The following GPC6 variants were observed in gnomAD, a reference collection of about 807,000 sequenced individuals.
GPC6 encodes glypican-6.
In GPC6, 14 loss-of-function variants were observed where a neutral mutation model predicts 55.2. That is an observed-to-expected ratio of 0.25 (90% CI 0.17 to 0.40). The LOEUF is 0.40. GPC6 is among the 10% of genes least tolerant of loss of function. The pLI, the probability that GPC6 is intolerant of heterozygous loss-of-function variation, is 1.00. For missense variants in GPC6, 641 were observed against 708.5 expected, an observed-to-expected ratio of 0.90 and a Z score of 1.08; for synonymous variants, 278 against 259.6, an observed-to-expected ratio of 1.07 and a Z score of -0.68.
At chr13:94,320,992 G>A (rs532300273) in intron 6 of GPC6, among the ~76,000 whole-genome samples, 2 of 152,294 alleles carry the variant, frequency 1.3e-5, no homozygotes, top group South Asian at 4.2e-4. Context: ...CAAAGGTTTA[G>A]TGTACAGATT....
chr13:94,344,217 ATATTT>A (rs1369912027), intron 6 of GPC6, among the ~76,000 whole-genome samples: 1 of 152,230 alleles, frequency 6.6e-6, no homozygotes, highest in African/African-American at 2.4e-5. Flanking sequence ...GAAAATTTTG[ATATTT>A]TATTTATCAC....
At chr13:94,159,416 A>C (rs941745132) in intron 4 of GPC6, among the ~76,000 whole-genome samples, 4 of 152,204 alleles carry the variant, frequency 2.6e-5, no homozygotes, top group African/African-American at 9.6e-5. Flanking sequence ...GGCAGAAGGC[A>C]AACTGCAAAT....
rs114775704 is a variant in GPC6 at position 93,899,873 on chromosome 13, G to T, written c.711+69328G>T. ...TGTTTTAATTAAGGAATGTTGATCA[G>T]GCAATTGTGCTTTAAAAACATGTTT... On this transcript the variant is annotated intron_variant, in intron 3 of 8. Coordinates refer to ENST00000377047, the MANE Select transcript of GPC6 (RefSeq NM_005708.5). Among the ~76,000 whole-genome samples, 441 of 152,210 alleles carry T rather than the reference G, an allele frequency of 2.9e-3. 5 individuals are homozygous for T. Among genetic ancestry groups the T allele is most frequent in the African/African-American group, 9.9e-3 (412 of 41,548 alleles).
At chr13:93,460,002 T>C (rs1878620413) in intron 1 of GPC6, among the ~76,000 whole-genome samples, 1 of 152,334 alleles carries the variant, frequency 6.6e-6, no homozygotes, top group Admixed American at 6.5e-5. Context: ...ACTTTTCTTT[T>C]GGCTTCTAGG....
intron 3 of GPC6, among the ~76,000 whole-genome samples, chr13:93,901,898 T>TAA (rs55752330): frequency 0.018 from 2,167 of 119,174 alleles, 61 homozygotes; most frequent in African/African-American, 0.065. Flanking sequence ...GAGATTCCAT[T>TAA]AAAAAAAAAA....
intron 5 of GPC6, among the ~76,000 whole-genome samples, chr13:94,297,996 C>G (rs1444172703): frequency 6.6e-6 from 1 of 151,880 alleles, no homozygotes; most frequent in South Asian, 2.1e-4. Flanking sequence ...GGATGAATAA[C>G]TGTTTTGTTA....
intron 1 of GPC6, among the ~76,000 whole-genome samples, chr13:93,434,680 AAC>A (rs1239208814): frequency 3.9e-5 from 6 of 152,120 alleles, no homozygotes; most frequent in Admixed American, 1.3e-4. Flanking sequence ...GGCTGTAGAT[AAC>A]ACAGTTTATC....
intron 2 of GPC6, among the ~76,000 whole-genome samples, chr13:93,713,287 G>T (rs1163655312): frequency 6.6e-6 from 1 of 151,388 alleles, no homozygotes; most frequent in Non-Finnish European, 1.5e-5. Context: ...ACCTAAAGAA[G>T]TAGAAAGGAG....
At chr13:93,946,689 AC>A (rs1879026398) in intron 3 of GPC6, among the ~76,000 whole-genome samples, 1 of 152,160 alleles carries the variant, frequency 6.6e-6, no homozygotes, top group African/African-American at 2.4e-5. Context: ...GGCTGTTAAA[AC>A]CCCAAACTCT....
intron 1 of GPC6, among the ~76,000 whole-genome samples, chr13:93,270,895 TA>T (rs1263397892): frequency 6.6e-6 from 1 of 152,086 alleles, no homozygotes; most frequent in African/African-American, 2.4e-5. Context: ...AGATGGAGAT[TA>T]AAGCTGATTG....
intron 1 of GPC6, among the ~76,000 whole-genome samples, chr13:93,462,014 C>T (rs1316201085): frequency 2.0e-5 from 3 of 151,994 alleles, no homozygotes; most frequent in Non-Finnish European, 2.9e-5. Flanking sequence ...ACAAGCCATG[C>T]CATCTTATGT....
At chr13:93,495,291 T>C (rs1312500759) in intron 1 of GPC6, among the ~76,000 whole-genome samples, 2 of 151,036 alleles carry the variant, frequency 1.3e-5, no homozygotes, top group African/African-American at 4.9e-5. Context: ...CCATTGTTGA[T>C]ACCCTTTCCT....
intron 3 of GPC6, among the ~76,000 whole-genome samples, chr13:93,935,635 C>G (rs137891928): frequency 6.6e-6 from 1 of 152,096 alleles, no homozygotes; most frequent in Non-Finnish European, 1.5e-5. Context: ...AAATTACATA[C>G]GCAATTCACA....
At chr13:93,700,871 A>G (rs1882643802) in intron 2 of GPC6, among the ~76,000 whole-genome samples, 2 of 152,130 alleles carry the variant, frequency 1.3e-5, no homozygotes, top group African/African-American at 4.8e-5. Context: ...GGTCAAGATT[A>G]TGTGGGACAA....
At chr13:94,198,732 CA>C (rs1164172982) in intron 4 of GPC6, among the ~76,000 whole-genome samples, 1 of 152,162 alleles carries the variant, frequency 6.6e-6, no homozygotes, top group African/African-American at 2.4e-5. Context: ...GCCTGAACAA[CA>C]TCATCCTAAC....
At chr13:93,660,811 G>T (rs1880892150) in intron 2 of GPC6, among the ~76,000 whole-genome samples, 2 of 152,200 alleles carry the variant, frequency 1.3e-5, no homozygotes, top group South Asian at 4.1e-4. Context: ...TGGATCTTTA[G>T]AAGGGACTTG....
intron 2 of GPC6, among the ~76,000 whole-genome samples, chr13:93,645,250 T>A (rs1880126643): frequency 6.8e-6 from 1 of 147,624 alleles, no homozygotes; most frequent in African/African-American, 2.6e-5. Flanking sequence ...GCCTACTGTT[T>A]TTTTTTTTTT....
chr13:94,208,424 G>A (rs922393592), intron 4 of GPC6, among the ~76,000 whole-genome samples: 1 of 152,080 alleles, frequency 6.6e-6, no homozygotes, highest in Admixed American at 6.5e-5. Context: ...AGGAGGAACA[G>A]CTGGCTGCCA....
intron 2 of GPC6, among the ~76,000 whole-genome samples, chr13:93,653,876 T>G (rs1470527520): frequency 6.6e-6 from 1 of 152,166 alleles, no homozygotes; most frequent in Non-Finnish European, 1.5e-5. Flanking sequence ...GCATTTTAAA[T>G]TTGGATAGGC....
Sources: allele counts gnomAD v4.1 joint callset (sites outside exome capture counted in the v4.1 genomes callset), GRCh38; gene constraint gnomAD v4.1.1; transcripts MANE v1.5; gene names NCBI Gene and HGNC (gene_info 2026-07-23, HGNC 2026-07-21).